Variants in AOPEP observed in about 807,000 individuals in gnomAD.
AOPEP encodes the protein aminopeptidase O.
In AOPEP, 77 loss-of-function variants were observed where a neutral mutation model predicts 98.1. That is an observed-to-expected ratio of 0.78 (90% CI 0.65 to 0.95). The LOEUF is 0.95. Ranked by LOEUF, AOPEP falls within the 40% of genes least tolerant of loss-of-function variation. The probability of loss-of-function intolerance (pLI) is 0.00; values close to 1 mark genes in which losing one functional copy is unlikely to be tolerated. For synonymous variants in AOPEP, 346 were observed against 365.3 expected (o/e 0.95, Z 0.60); for missense variants, 1,024 against 1,024.7 (o/e 1.00, Z 0.01).
In AOPEP at chr9:94,760,567, G is replaced by C; in HGVS notation, c.784G>C (p.Asp262His). The C allele has an allele frequency of 3.9e-6, 6 of 1,540,736 alleles. No individual in the cohort carries two copies. Among genetic ancestry groups the C allele is most frequent in the Non-Finnish European group, 5.2e-6 (6 of 1,147,574 alleles). Residue 262 changes from aspartate to histidine, a missense_variant, in exon 2 of 17, where the codon GAC becomes CAC. By Grantham distance (81) the Asp-to-His change is moderately conservative. This residue lies in a region of AOPEP where 440 missense variants were observed against 433.8 expected (regional missense o/e 1.01). Coordinates refer to ENST00000375315, the MANE Select transcript of AOPEP (RefSeq NM_001193329.3). ...PEGRSVTWTS[D>H]QSGRPCVYTV... ...AGGGCGATCGGTTACATGGACCTCAGACCAGAGTGGCAGGTAGGTTATCCA... is the reference window on the plus strand; with the variant it reads ...AGGGCGATCGGTTACATGGACCTCACACCAGAGTGGCAGGTAGGTTATCCA...
intron 5 of AOPEP, among the ~76,000 whole-genome samples, chr9:94,818,606 C>A (rs956700042): frequency 6.6e-6 from 1 of 152,142 alleles, no homozygotes; most frequent in East Asian, 1.9e-4. Flanking sequence ...TTTCTTCCCC[C>A]CAAAAAGAAG....
At chr9:94,836,535 A>G (rs762220173) in intron 5 of AOPEP, among the ~76,000 whole-genome samples, 26 of 152,086 alleles carry the variant, frequency 1.7e-4, no homozygotes, top group Non-Finnish European at 2.9e-4. Context: ...ATTTATGCAC[A>G]TTATTAATTG....
the AOPEP span, among the ~76,000 whole-genome samples, chr9:95,143,892 C>T: frequency 6.6e-6 from 1 of 152,158 alleles, no homozygotes; most frequent in Non-Finnish European, 1.5e-5. Context: ...TTAAAAGTTC[C>T]TCTAGGTTAT....
intron 13 of AOPEP, among the ~76,000 whole-genome samples, chr9:95,018,356 ACTTAACATTTTATT>A (rs1300725819): frequency 6.6e-6 from 1 of 152,108 alleles, no homozygotes; most frequent in Non-Finnish European, 1.5e-5. Context: ...GCTTTTTTAT[ACTTAACATTTTATT>A]TCTTGAGAGG....
chr9:94,926,513 A>T (rs1482298197), intron 6 of AOPEP, among the ~76,000 whole-genome samples: 1 of 152,220 alleles, frequency 6.6e-6, no homozygotes. Context: ...AGATTCCAGC[A>T]CAAAGTTTGA....
At chr9:95,129,367 T>C in the AOPEP span, among the ~76,000 whole-genome samples, 1 of 152,238 alleles carries the variant, frequency 6.6e-6, no homozygotes, top group African/African-American at 2.4e-5. Context: ...CTTATCAAGA[T>C]AATCTTCCAA....
the AOPEP span, among the ~76,000 whole-genome samples, chr9:95,126,163 T>C: frequency 7.2e-5 from 11 of 152,360 alleles, no homozygotes; most frequent in South Asian, 2.1e-3. Flanking sequence ...TAAAGTCTTT[T>C]AAAAATATTG....
intron 13 of AOPEP, among the ~76,000 whole-genome samples, chr9:95,020,494 T>G (rs539438261): frequency 6.6e-6 from 1 of 152,320 alleles, no homozygotes; most frequent in South Asian, 2.1e-4. Flanking sequence ...CTGGGTTCAC[T>G]GCACGGGTTG....
At chr9:94,974,415 C>T (rs1311345654) in intron 10 of AOPEP, among the ~76,000 whole-genome samples, 1 of 152,194 alleles carries the variant, frequency 6.6e-6, no homozygotes, top group African/African-American at 2.4e-5. Context: ...AGTGGACACT[C>T]ACTTCACAGG....
chr9:94,789,556 C>T (rs1366728796), intron 3 of AOPEP, among the ~76,000 whole-genome samples: 3 of 152,146 alleles, frequency 2.0e-5, no homozygotes, highest in Non-Finnish European at 4.4e-5. Context: ...CCTGCTTCAG[C>T]TCTCATTATG....
chr9:95,147,823 G>A, the AOPEP span, among the ~76,000 whole-genome samples: 1 of 152,174 alleles, frequency 6.6e-6, no homozygotes, highest in Non-Finnish European at 1.5e-5. Flanking sequence ...CAAGAGAACT[G>A]TACTTCTGCC....
At chr9:94,779,450 C>A (rs1252993108) in intron 3 of AOPEP, among the ~76,000 whole-genome samples, 1 of 152,096 alleles carries the variant, frequency 6.6e-6, no homozygotes, top group African/African-American at 2.4e-5. Context: ...GAGCATTATT[C>A]TTCTTTTTAG....
intron 5 of AOPEP, chr9:94,824,430 A>G (rs1434654690): frequency 6.6e-6 from 1 of 152,232 alleles, no homozygotes; most frequent in African/African-American, 2.4e-5. Flanking sequence ...GGTGTTTAGA[A>G]ACACTACTGG....
intron 5 of AOPEP, among the ~76,000 whole-genome samples, chr9:94,883,152 A>G (rs759764563): frequency 1.3e-5 from 2 of 152,162 alleles, no homozygotes; most frequent in African/African-American, 2.4e-5. Flanking sequence ...AGCGCACACA[A>G]TTGGCTCTGC....
chr9:95,120,468 G>A, the AOPEP span, among the ~76,000 whole-genome samples: 4 of 150,944 alleles, frequency 2.6e-5, no homozygotes, highest in African/African-American at 9.8e-5. Flanking sequence ...AGGCTGGAGT[G>A]CAGTGGTGTG....
At chr9:94,858,819 C>T (rs915803476) in intron 5 of AOPEP, among the ~76,000 whole-genome samples, 1 of 151,942 alleles carries the variant, frequency 6.6e-6, no homozygotes, top group African/African-American at 2.4e-5. Context: ...GAGGCCAAGG[C>T]GGGCAGATCA....
At chr9:94,754,197 A>C (rs1380170040) in intron 1 of AOPEP, among the ~76,000 whole-genome samples, 1 of 152,238 alleles carries the variant, frequency 6.6e-6, no homozygotes, top group African/African-American at 2.4e-5. Flanking sequence ...ATTGAATTTC[A>C]CAGTAGTAAG....
chr9:94,784,144 G>T (rs186455152), intron 3 of AOPEP, among the ~76,000 whole-genome samples: 1 of 152,260 alleles, frequency 6.6e-6, no homozygotes, highest in East Asian at 1.9e-4. Flanking sequence ...TGCTTAACTT[G>T]GCAGAGCTAT....
intron 7 of AOPEP, among the ~76,000 whole-genome samples, chr9:94,951,734 T>C (rs76138261): frequency 0.013 from 2,049 of 152,330 alleles, 54 homozygotes; most frequent in African/African-American, 0.046. Context: ...AGGAGCAGCA[T>C]GATGATAGTA....
Sources: allele counts gnomAD v4.1 joint callset (sites outside exome capture counted in the v4.1 genomes callset), GRCh38; gene constraint gnomAD v4.1.1; regional missense constraint gnomAD v4.1.1; transcripts MANE v1.5; gene names NCBI Gene and HGNC (gene_info 2026-07-23, HGNC 2026-07-21).